The following HIVEP3 variants were observed in gnomAD, a reference collection of about 807,000 sequenced individuals.
HIVEP3 encodes the protein HIVEP zinc finger 3.
In HIVEP3, 49 loss-of-function variants were observed where a neutral mutation model predicts 152.8. The observed-to-expected ratio is 0.32, with a 90% CI of 0.26 to 0.41. The LOEUF is 0.41. Among genes scored for constraint, HIVEP3 ranks in the 10% least tolerant of loss-of-function variants. The probability of loss-of-function intolerance (pLI) is 1.00; values close to 1 mark genes in which losing one functional copy is unlikely to be tolerated. For missense variants in HIVEP3, 2,790 were observed against 3,103.3 expected, an observed-to-expected ratio of 0.90 and a Z score of 2.40; for synonymous variants, 1,269 against 1,289.0, an observed-to-expected ratio of 0.98 and a Z score of 0.33.
intron 5 of HIVEP3, among the ~76,000 whole-genome samples, chr1:41,526,984 TC>T: frequency 1.7e-5 from 1 of 60,290 alleles, no homozygotes; most frequent in Non-Finnish European, 3.2e-5. Flanking sequence ...ACCTTCACAC[TC>T]CACACCCCTG....
intron 1 of HIVEP3, among the ~76,000 whole-genome samples, chr1:41,960,112 C>A (rs1645161675): frequency 6.6e-6 from 1 of 152,158 alleles, no homozygotes; most frequent in Non-Finnish European, 1.5e-5. Flanking sequence ...GGGGCTCAGA[C>A]CCCCTCAGGA....
Position 41,616,479 on chromosome 1 carries a change from G to A in HIVEP3, c.-522+12270C>T, listed in dbSNP as rs1306511622. Among the ~76,000 whole-genome samples, 69 of 152,128 alleles carry A rather than the reference G, an allele frequency of 4.5e-4. 1 individual carries two copies. The highest frequency in any genetic ancestry group is 4.5e-3 in the Admixed American group (69 of 15,278). The stretch of plus-strand genomic sequence containing the variant: ...GTCTCCGGGTTGAAGGGACTGCCAA[G>A]GACACTGACCCAAGCTCCCATTTGA... On this transcript the variant is annotated intron_variant, in intron 3 of 8. Coordinates refer to ENST00000372583, the MANE Select transcript of HIVEP3 (RefSeq NM_024503.5).
intron 1 of HIVEP3, among the ~76,000 whole-genome samples, chr1:41,947,910 A>G (rs1645084023): frequency 6.6e-6 from 1 of 152,254 alleles, no homozygotes; most frequent in Admixed American, 6.5e-5. Flanking sequence ...ACTCACTGCT[A>G]AAGAAGACTT....
intron 1 of HIVEP3, among the ~76,000 whole-genome samples, chr1:41,941,314 A>T (rs760850546): frequency 3.9e-5 from 6 of 152,186 alleles, no homozygotes; most frequent in Non-Finnish European, 8.8e-5. Flanking sequence ...GAAAAGCGGG[A>T]GCCATTGATG....
chr1:41,582,996 T>G lies in HIVEP3; in HGVS notation c.1802A>C (p.Tyr601Ser). ...PAIELPLGGE[Y>S]SSEEPGPSSK... ...GCTTGGGCCAGGCTCCTCAGAACTG[T>G]ATTCCCCTCCCAAAGGTAATTCGAT... Residue 601 changes from tyrosine (Y) to serine (S), a missense_variant, in exon 4 of 9, where the codon TAC (tyrosine) becomes TCC (serine). By Grantham distance (144) the Tyr-to-Ser change is moderately radical. Coordinates refer to ENST00000372583, the MANE Select transcript of HIVEP3 (RefSeq NM_024503.5). This position sits in a 1 kb window ranked among gnomAD's most constrained non-coding sequence, Gnocchi z 4.7. The G allele has an allele frequency of 6.2e-7, 1 of 1,614,020 alleles. No individual in the cohort carries two copies. Among genetic ancestry groups the G allele is most frequent in the Non-Finnish European group, 8.5e-7 (1 of 1,180,004 alleles).
At chr1:41,890,648 G>A (rs143372938) in intron 1 of HIVEP3, among the ~76,000 whole-genome samples, 7 of 152,314 alleles carry the variant, frequency 4.6e-5, no homozygotes, top group East Asian at 1.9e-4. Flanking sequence ...AGCTTCCCCC[G>A]GAAAACCAAC....
At chr1:41,616,570 T>A (rs1272261329) in intron 3 of HIVEP3, among the ~76,000 whole-genome samples, 6 of 23,158 alleles carry the variant, frequency 2.6e-4, no homozygotes, top group African/African-American at 1.5e-3. Context: ...TAGCAATTAC[T>A]TTTTTTTTTT....
At chr1:41,806,030 A>G (rs141293107) in intron 1 of HIVEP3, among the ~76,000 whole-genome samples, 29 of 152,278 alleles carry the variant, frequency 1.9e-4, no homozygotes, top group African/African-American at 6.7e-4. Flanking sequence ...ACAATGGTAG[A>G]AGCAGTACCA....
chr1:41,532,651 G>C (rs1386351709), intron 5 of HIVEP3, among the ~76,000 whole-genome samples: 3 of 152,138 alleles, frequency 2.0e-5, no homozygotes, highest in Non-Finnish European at 4.4e-5. Context: ...CATTTGGATG[G>C]GGCAGGGGTC....
At chr1:41,742,317 C>A (rs1394411328) in intron 1 of HIVEP3, among the ~76,000 whole-genome samples, 1 of 152,182 alleles carries the variant, frequency 6.6e-6, no homozygotes, top group African/African-American at 2.4e-5. Flanking sequence ...GAATCCCCAG[C>A]ATATGCCAGC....
intron 1 of HIVEP3, among the ~76,000 whole-genome samples, chr1:41,973,177 A>G (rs1645240532): frequency 6.6e-6 from 1 of 152,214 alleles, no homozygotes; most frequent in Non-Finnish European, 1.5e-5. Context: ...CAGGGTGTAT[A>G]TAAGTTATCT....
chr1:41,767,434 G>T (rs1030277208), intron 1 of HIVEP3, among the ~76,000 whole-genome samples: 1 of 152,188 alleles, frequency 6.6e-6, no homozygotes, highest in Non-Finnish European at 1.5e-5. Context: ...AGAGGCAGAG[G>T]TGTGGTTGAC....
At chr1:42,012,885 T>C (rs1180357979) in intron 1 of HIVEP3, among the ~76,000 whole-genome samples, 1 of 152,196 alleles carries the variant, frequency 6.6e-6, no homozygotes, top group African/African-American at 2.4e-5. Flanking sequence ...CCACCCAGTC[T>C]ATGCTACTTT....
intron 1 of HIVEP3, among the ~76,000 whole-genome samples, chr1:41,760,809 G>A (rs1385191411): frequency 2.0e-5 from 3 of 152,106 alleles, no homozygotes; most frequent in Admixed American, 2.0e-4. Flanking sequence ...GTGGGGCAGA[G>A]CAGTGACAAG....
chr1:41,845,011 T>C (rs1355977174), intron 1 of HIVEP3, among the ~76,000 whole-genome samples: 1 of 152,158 alleles, frequency 6.6e-6, no homozygotes, highest in Non-Finnish European at 1.5e-5. Context: ...GCACTGCCTC[T>C]TCCCTCTGTG....
intron 1 of HIVEP3, among the ~76,000 whole-genome samples, chr1:41,714,550 A>G (rs1646561711): frequency 6.6e-6 from 1 of 152,182 alleles, no homozygotes; most frequent in Admixed American, 6.5e-5. Context: ...ATTCCAGAAC[A>G]CGGGTTCTTT....
At chr1:41,714,683 G>C (rs1015354902) in intron 1 of HIVEP3, among the ~76,000 whole-genome samples, 1 of 152,190 alleles carries the variant, frequency 6.6e-6, no homozygotes, top group Non-Finnish European at 1.5e-5. Flanking sequence ...AGTCTGAAGG[G>C]CTTGGCCCCT....
intron 1 of HIVEP3, among the ~76,000 whole-genome samples, chr1:41,769,587 A>T (rs1452648674): frequency 6.6e-6 from 1 of 152,214 alleles, no homozygotes; most frequent in Non-Finnish European, 1.5e-5. Context: ...AGAAAGAAGT[A>T]AAAAAAGAAG....
In HIVEP3 at chr1:41,581,918, G is replaced by A; in HGVS notation, c.2880C>T (p.Pro960=). 1 of 1,614,134 alleles carries A rather than the reference G, an allele frequency of 6.2e-7. No individual in the cohort carries two copies. The highest frequency in any genetic ancestry group is 1.7e-5 in the Admixed American group (1 of 60,026). ...TGGGGCGCATGTCAGATGAGGGACT[G>A]GGGGCCTCGGCTTTCCCATGGTCAT... The part of the protein sequence containing the change: ...ERDDHGKAEA[P]SPSSDMRPKP... Residue 960 remains proline, a synonymous_variant, in exon 4 of 9, where the codon CCC becomes CCT. Transcript: ENST00000372583. This position sits in a 1 kb window ranked among gnomAD's most constrained non-coding sequence, Gnocchi z 4.5.
Sources: allele counts gnomAD v4.1 joint callset (sites outside exome capture counted in the v4.1 genomes callset), GRCh38; gene constraint gnomAD v4.1.1; non-coding constraint Gnocchi (gnomAD v3.1); transcripts MANE v1.5; gene names NCBI Gene and HGNC (gene_info 2026-07-23, HGNC 2026-07-21).